THRA: variants seen among roughly 807,000 people sequenced by gnomAD.
The protein encoded by THRA is EAR-7.
In THRA, 13 loss-of-function variants were observed where a neutral mutation model predicts 45.0. The observed-to-expected ratio is 0.29, with a 90% confidence interval of 0.19 to 0.46. The LOEUF is 0.46. Ranked by LOEUF, THRA falls within the 20% of genes least tolerant of loss-of-function variation. The probability of loss-of-function intolerance (pLI) is 1.00; values close to 1 mark genes in which losing one functional copy is unlikely to be tolerated. For missense variants in THRA, 278 were observed against 556.1 expected (o/e 0.50, Z 5.03); for synonymous variants, 195 against 214.0 (o/e 0.91, Z 0.78).
At chr17:40,071,750 G>A (rs1986784609) in intron 1 of THRA, among the ~76,000 whole-genome samples, 1 of 152,192 alleles carries the variant, frequency 6.6e-6, no homozygotes, top group Non-Finnish European at 1.5e-5. Flanking sequence ...CTTACCCGCT[G>A]ACCTTTTTCT....
chr17:40,087,304 TACAG>T (rs763478722), intron 7 of THRA, among the ~76,000 whole-genome samples: 3 of 71,082 alleles, frequency 4.2e-5, no homozygotes, highest in African/African-American at 6.2e-5. Context: ...CACACACAGA[TACAG>T]ACACACACAC....
chr17:40,085,446 G>A (rs1388274098), intron 6 of THRA, among the ~76,000 whole-genome samples: 1 of 151,580 alleles, frequency 6.6e-6, no homozygotes, highest in Admixed American at 6.6e-5. Flanking sequence ...CGATTCTCCC[G>A]CCTCCGTCTC....
intron 4 of THRA, among the ~76,000 whole-genome samples, chr17:40,081,429 T>TTG (rs1987134241): frequency 6.6e-6 from 1 of 151,710 alleles, no homozygotes; most frequent in East Asian, 1.9e-4. Flanking sequence ...CCTGGCCAAT[T>TTG]TGTGTATTTT....
Position 40,088,512 on chromosome 17 carries a change from T to G in THRA, c.982+12T>G, listed in dbSNP as rs778957552. The G allele has an allele frequency of 1.6e-5, 26 of 1,604,880 alleles. No homozygotes were observed. Among genetic ancestry groups the G allele is most frequent in the Non-Finnish European group, 1.8e-5 (21 of 1,173,244 alleles). On this transcript the variant is annotated intron_variant, in intron 8 of 8. Coordinates refer to ENST00000450525, the MANE Select transcript of THRA (RefSeq NM_199334.5). ...GCTAATGTCAACAGGTACCTGCTGA[T>G]TAGTCGGGAGGGCTCAGAAGCTTCC...
At position 40,092,874 on chromosome 17, in the gene THRA, T is replaced by G; in HGVS notation, c.*3418T>G. 3.0e-5 allele frequency: 35 copies of G among 1,185,516 alleles called. No homozygotes were observed. Among genetic ancestry groups the G allele is most frequent in the Admixed American group, 2.8e-5 (1 of 36,006 alleles). 73.4% of individuals were successfully genotyped at this position (1,185,516 alleles called of 1,614,324 possible). ...AGGGTTGTGGGGGAGACAGAGTGGTTTAAATAGGGGAGGAGGGGAAGTTCG... is the reference window on the plus strand; with the variant it reads ...AGGGTTGTGGGGGAGACAGAGTGGTGTAAATAGGGGAGGAGGGGAAGTTCG... On this transcript the variant is annotated 3_prime_UTR_variant, in exon 9 of 9. Transcript: ENST00000450525.
At position 40,089,180 on chromosome 17, in the gene THRA, C is replaced by CCCCTCACGCCCCTCTT. The variant is rs1567656103; in HGVS notation, c.983-18_983-3dup. 1.2e-6 allele frequency: 2 copies of CCCCTCACGCCCCTCTT among 1,609,726 alleles called. No homozygotes were observed. The highest frequency in any genetic ancestry group is 2.2e-5 in the South Asian group (2 of 90,934). On this transcript the variant is annotated intron_variant, in intron 8 of 8. Coordinates refer to ENST00000450525, the MANE Select transcript of THRA (RefSeq NM_199334.5). This position sits in a 1 kb window ranked among gnomAD's most constrained non-coding sequence, Gnocchi z 6.1. The stretch of plus-strand genomic sequence containing the variant: ...CTCCAGGCCTTCGGCCAGCCCCTCG[C>CCCCTCACGCCCCTCTT]CCCTCACGCCCCTCTTCCCTCACAG...
At chr17:40,063,851 G>A (rs904732874) in intron 1 of THRA, among the ~76,000 whole-genome samples, 3 of 151,786 alleles carry the variant, frequency 2.0e-5, no homozygotes, top group African/African-American at 7.3e-5. Flanking sequence ...GCCCTCCCTT[G>A]TCCAGCGTGA....
At position 40,088,422 on chromosome 17, in the gene THRA, C is replaced by G; in HGVS notation, c.904C>G (p.Leu302Val). 6 of 1,614,142 alleles carry G rather than the reference C, an allele frequency of 3.7e-6. No individual in the cohort carries two copies. Among genetic ancestry groups the G allele is most frequent in the Non-Finnish European group, 5.1e-6 (6 of 1,179,992 alleles). The change falls in exon 8 of 9, where the codon CTG (leucine) becomes GTG (valine). Residue 302 changes from leucine (L) to valine (V), a missense_variant. This residue lies in a region of THRA where 66 missense variants were observed against 94.7 expected (regional missense o/e 0.70). Coordinates refer to ENST00000450525, the MANE Select transcript of THRA (RefSeq NM_199334.5). Reference sequence around the variant, plus strand: ...CGTAGTCTCCGACGCCATCTTTGAACTGGGCAAGTCACTCTCTGCCTTTAA... The same window carrying G: ...CGTAGTCTCCGACGCCATCTTTGAAGTGGGCAAGTCACTCTCTGCCTTTAA... ...LGVVSDAIFE[L>V]GKSLSAFNLD... is the part of the protein sequence containing the mutation.
At chr17:40,087,072 C>T in intron 7 of THRA, 2 of 573,894 alleles carry the variant, frequency 3.5e-6, no homozygotes, top group Non-Finnish European at 6.1e-6. Flanking sequence ...CACACACACA[C>T]CTAGCATACA....
At chr17:40,087,442 C>G (rs1242350279) in intron 7 of THRA, among the ~76,000 whole-genome samples, 2 of 151,344 alleles carry the variant, frequency 1.3e-5, no homozygotes, top group Non-Finnish European at 3.0e-5. Context: ...ACCTAGCAGA[C>G]ACACACATAG....
At chr17:40,085,948 C>T (rs539845725) in intron 6 of THRA, among the ~76,000 whole-genome samples, 304 of 152,244 alleles carry the variant, frequency 2.0e-3, no homozygotes, top group African/African-American at 6.9e-3. Flanking sequence ...GGCCTCTCTA[C>T]GAATAATTTT....
downstream of THRA, chr17:40,093,259 C>T (rs200077317): frequency 8.7e-6 from 14 of 1,613,618 alleles, no homozygotes; most frequent in Non-Finnish European, 1.0e-5. The surrounding 1 kb of genome is among the most constrained non-coding windows in gnomAD (Gnocchi z 5.9). Context: ...TCCACCGAAG[C>T]GGAATTCTCC....
chr17:40,064,325 A>T (rs1447374023), intron 1 of THRA, among the ~76,000 whole-genome samples: 1 of 152,180 alleles, frequency 6.6e-6, no homozygotes, highest in Non-Finnish European at 1.5e-5. Flanking sequence ...AGTCACTGTC[A>T]CATGCATGCA....
At chr17:40,085,073 C>G (rs1391769732) in intron 6 of THRA, among the ~76,000 whole-genome samples, 7 of 152,166 alleles carry the variant, frequency 4.6e-5, no homozygotes, top group Admixed American at 2.6e-4. Flanking sequence ...CGGGAGCGAC[C>G]TTTCTTCTTT....
At chr17:40,085,339 A>T (rs1289025425) in intron 6 of THRA, among the ~76,000 whole-genome samples, 2 of 145,598 alleles carry the variant, frequency 1.4e-5, no homozygotes, top group South Asian at 4.4e-4. Flanking sequence ...TCTATGAATA[A>T]TTTTTTTTTT....
upstream of THRA, chr17:40,062,872 A>AGCGGG (rs1986404283): frequency 6.9e-6 from 1 of 145,284 alleles, no homozygotes; most frequent in Admixed American, 6.8e-5. Context: ...CCCCAGCCGG[A>AGCGGG]GCGGGGCGGG....
At chr17:40,088,670 G>GT (rs1987420132) in intron 8 of THRA, among the ~76,000 whole-genome samples, 170 bp downstream of exon 8, 1 of 151,778 alleles carries the variant, frequency 6.6e-6, no homozygotes. Flanking sequence ...CTTCTCACTC[G>GT]TTCCCCAGGC....
intron 4 of THRA, among the ~76,000 whole-genome samples, chr17:40,083,149 G>A (rs1373660950): frequency 1.3e-5 from 2 of 151,826 alleles, no homozygotes; most frequent in East Asian, 1.9e-4. Flanking sequence ...GGATGGTCTC[G>A]ATCTCCTGAC....
chr17:40,063,540 G>C (rs895037666), intron 1 of THRA, among the ~76,000 whole-genome samples: 1 of 151,846 alleles, frequency 6.6e-6, no homozygotes, highest in Non-Finnish European at 1.5e-5. Flanking sequence ...GCTGCCTCCA[G>C]CTGCGGAGGG....
Sources: allele counts gnomAD v4.1 joint callset (sites outside exome capture counted in the v4.1 genomes callset), GRCh38; gene constraint gnomAD v4.1.1; regional missense constraint gnomAD v4.1.1; non-coding constraint Gnocchi (gnomAD v3.1); transcripts MANE v1.5; gene names NCBI Gene and HGNC (gene_info 2026-07-23, HGNC 2026-07-21).